SCP2: variants seen among roughly 807,000 people sequenced by gnomAD.
SCP2 encodes SCP-2/3-oxoacyl-CoA thiolase.
SCP2 carries 48 observed loss-of-function variants against 71.4 expected under a neutral mutation model. The ratio of observed to expected loss-of-function variants is 0.67; its 90% confidence interval spans 0.53 to 0.86. The LOEUF (loss-of-function observed/expected upper bound fraction) is 0.86, where lower values mean the gene tolerates loss of function less well. SCP2 is among the 40% of genes least tolerant of loss of function. SCP2 has a pLI of 0.00. For synonymous variants in SCP2, 220 were observed against 218.1 expected (o/e 1.01, Z -0.08); for missense variants, 560 against 655.6 (o/e 0.85, Z 1.59).
At chr1:53,034,697 G>C (rs1227042919) in intron 13 of SCP2, among the ~76,000 whole-genome samples, 1 of 152,094 alleles carries the variant, frequency 6.6e-6, no homozygotes, top group African/African-American at 2.4e-5. Flanking sequence ...AGAAACAGAG[G>C]TTAGTATCTA....
At chr1:53,021,654 T>G (rs1375537217) in intron 12 of SCP2, among the ~76,000 whole-genome samples, 8 of 129,758 alleles carry the variant, frequency 6.2e-5, no homozygotes, top group African/African-American at 2.6e-4. Flanking sequence ...TCTTTTTTTT[T>G]TTTTTTTTGG....
chr1:52,952,594 T>C (rs1035520858), intron 4 of SCP2, among the ~76,000 whole-genome samples: 2 of 152,130 alleles, frequency 1.3e-5, no homozygotes, highest in African/African-American at 4.8e-5. Flanking sequence ...GTTTCTATTT[T>C]TTGGCTGTTA....
At chr1:52,961,089 T>A (rs1343472968) in intron 5 of SCP2, among the ~76,000 whole-genome samples, 16 of 142,060 alleles carry the variant, frequency 1.1e-4, no homozygotes, top group South Asian at 6.5e-4. Context: ...TTTTTTTTTT[T>A]AATTATACTT....
Position 52,937,042 on chromosome 1 carries a change from G to A in SCP2, c.70-4754G>A, listed in dbSNP as rs189838425. 1.1e-3 allele frequency among the ~76,000 whole-genome samples: 172 copies of A among 152,158 alleles called. 2 individuals are homozygous for A. Among genetic ancestry groups the A allele is most frequent in the African/African-American group, 4.0e-3 (166 of 41,532 alleles). The stretch of plus-strand genomic sequence containing the variant: ...AAATGTACTTAATAAAGCAAACACC[G>A]AGAATTAAATTAACACCAAATTGTG... On this transcript the variant is annotated intron_variant, in intron 1 of 15. Transcript: ENST00000371514.
At chr1:52,965,735 A>C (rs2150149609) in intron 6 of SCP2, among the ~76,000 whole-genome samples, 1 of 151,884 alleles carries the variant, frequency 6.6e-6, no homozygotes, top group Non-Finnish European at 1.5e-5. Flanking sequence ...CCTGGATTCA[A>C]GCGATTCTCC....
intron 12 of SCP2, among the ~76,000 whole-genome samples, chr1:53,027,093 C>A (rs1214737839): frequency 6.6e-6 from 1 of 151,922 alleles, no homozygotes; most frequent in East Asian, 1.9e-4. Flanking sequence ...CACATGCCAC[C>A]ATAATAGGTT....
At chr1:52,993,893 G>A (rs903059950) in intron 11 of SCP2, 5 of 1,435,998 alleles carry the variant, frequency 3.5e-6, no homozygotes, top group East Asian at 2.6e-5. Flanking sequence ...GTTTTGGAGA[G>A]GACACCACTG....
chr1:53,008,265 C>T (rs1475036770), intron 11 of SCP2, among the ~76,000 whole-genome samples: 1 of 152,162 alleles, frequency 6.6e-6, no homozygotes, highest in Non-Finnish European at 1.5e-5. Context: ...GGGAATCCTC[C>T]CTAACTCAAT....
intron 13 of SCP2, among the ~76,000 whole-genome samples, chr1:53,030,663 G>A (rs1041717083): frequency 2.6e-5 from 4 of 151,894 alleles, no homozygotes; most frequent in African/African-American, 7.3e-5. Context: ...AGGCTGAGGC[G>A]GGTGGATCAC....
rs1557609323 is a variant in SCP2, at chr1:53,014,889, G to T, written c.1082-1G>T. 1 of 1,612,848 alleles carries T rather than the reference G, an allele frequency of 6.2e-7. No homozygotes were observed. The highest frequency in any genetic ancestry group is 8.5e-7 in the Non-Finnish European group (1 of 1,179,830). ...TCAGTGCTCTGTGTTCGATTTGTTA[G>T]GTCTTGCTCAGTGTGCAGAACTCTG... On this transcript the variant is annotated splice_acceptor_variant, in intron 11 of 15. Coordinates refer to ENST00000371514, the MANE Select transcript of SCP2 (RefSeq NM_002979.5). LOFTEE classifies it high-confidence loss of function.
At chr1:53,046,956 A>G (rs1462106984) in intron 14 of SCP2, among the ~76,000 whole-genome samples, 4 of 152,252 alleles carry the variant, frequency 2.6e-5, no homozygotes, top group Non-Finnish European at 2.9e-5. Context: ...TAGGCTGAGG[A>G]CAGCTTAGCT....
At chr1:53,012,219 G>A (rs984629292) in intron 11 of SCP2, among the ~76,000 whole-genome samples, 2 of 152,216 alleles carry the variant, frequency 1.3e-5, no homozygotes, top group African/African-American at 4.8e-5. Flanking sequence ...CGCCCAGAAG[G>A]AAGGAATGCG....
chr1:53,015,032 G>A lies in SCP2; in HGVS notation c.1224G>A (p.Pro408=), dbSNP rs80253221. The part of the protein sequence containing the change: ...VVVTLYKMGF[P]EAASSFRTHQ... ...TAACACTCTACAAGATGGGTTTTCC[G>A]GAAGCCGCCAGGTGAGTGACATTCA... is the stretch of plus-strand genomic sequence containing the variant. Residue 408 remains proline, a synonymous_variant, in exon 12 of 16, where the codon CCG becomes CCA. Coordinates refer to ENST00000371514, the MANE Select transcript of SCP2 (RefSeq NM_002979.5). 1,987 of 1,614,078 alleles carry A rather than the reference G, an allele frequency of 1.2e-3. 27 individuals carry two copies. In the African/African-American group the frequency reaches 0.024, roughly 19 times the overall value.
At chr1:53,036,669 TC>T (rs1448760386) in intron 13 of SCP2, among the ~76,000 whole-genome samples, 1 of 151,160 alleles carries the variant, frequency 6.6e-6, no homozygotes, top group East Asian at 1.9e-4. Context: ...ATATATATAA[TC>T]TTTTCTGTTT....
intron 1 of SCP2, among the ~76,000 whole-genome samples, chr1:52,927,839 G>A (rs11587812): frequency 0.055 from 8,384 of 152,166 alleles, 371 homozygotes; most frequent in African/African-American, 0.12. Flanking sequence ...AGCCCTCACA[G>A]AGACAGCTCC....
intron 1 of SCP2, among the ~76,000 whole-genome samples, chr1:52,928,518 C>T (rs1652758438): frequency 6.6e-6 from 1 of 152,208 alleles, no homozygotes; most frequent in Non-Finnish European, 1.5e-5. Flanking sequence ...CGGTGGCTCA[C>T]GCCTGTAATC....
intron 11 of SCP2, among the ~76,000 whole-genome samples, chr1:52,990,091 G>A (rs1333907060): frequency 6.6e-6 from 1 of 152,182 alleles, no homozygotes; most frequent in African/African-American, 2.4e-5. Context: ...GTAGCTGAGG[G>A]AAGAGAAAAT....
chr1:53,009,518 A>G (rs1319827769), intron 11 of SCP2, among the ~76,000 whole-genome samples: 3 of 152,206 alleles, frequency 2.0e-5, no homozygotes, highest in African/African-American at 7.2e-5. Context: ...CAAAAACAAG[A>G]AATGGGGGAA....
At chr1:52,930,008 A>G (rs1652994641) in intron 1 of SCP2, among the ~76,000 whole-genome samples, 1 of 152,108 alleles carries the variant, frequency 6.6e-6, no homozygotes, top group Non-Finnish European at 1.5e-5. Context: ...CTCCTGATAT[A>G]CCCTCTTTTC....
Sources: gnomAD v4.1 joint callset for allele counts (sites outside exome capture counted in the v4.1 genomes callset) on GRCh38, gnomAD v4.1.1 for gene constraint, MANE v1.5 for transcripts, NCBI Gene and HGNC (gene_info 2026-07-23, HGNC 2026-07-21) for gene names.